SLC5A6: variants seen among roughly 807,000 people sequenced by gnomAD.
The protein encoded by SLC5A6 is solute carrier family 5 member 6.
Under a neutral mutation model 67.9 loss-of-function variants are expected in SLC5A6, and 31 were observed. The observed-to-expected ratio is 0.46, with a 90% CI of 0.34 to 0.62. The LOEUF (loss-of-function observed/expected upper bound fraction) is 0.62. SLC5A6 is among the 20% of genes least tolerant of loss of function. The pLI, the probability that SLC5A6 is intolerant of heterozygous loss-of-function variation, is 0.01. For synonymous variants in SLC5A6, 343 were observed against 331.0 expected (o/e 1.04, Z -0.39); for missense variants, 673 against 812.8 (o/e 0.83, Z 2.09).
At chr2:27,200,916 A>C in intron 16 of SLC5A6, 82 bp downstream of exon 16, 1 of 908,544 alleles carries the variant, frequency 1.1e-6, no homozygotes, top group East Asian at 2.5e-5. Context: ...AGGGGGAGAG[A>C]AAAGGGGTAG....
At chr2:27,200,647 C>CAA in intron 16 of SLC5A6, 68 bp from the exon 17 acceptor site, 7 of 1,505,592 alleles carry the variant, frequency 4.6e-6, no homozygotes, top group Non-Finnish European at 6.3e-6. Context: ...AGGATTCACA[C>CAA]AAAAAAGGTC....
chr2:27,212,357 A>C, upstream of SLC5A6: 1 of 1,550,272 alleles, frequency 6.5e-7, no homozygotes, highest in Non-Finnish European at 8.7e-7. Context: ...CGGAGCACCA[A>C]GGGAACGGAA....
chr2:27,212,140 GC>G lies in SLC5A6; in HGVS notation c.-329del. 4 of 1,521,394 alleles carry G rather than the reference GC, an allele frequency of 2.6e-6. No homozygotes were observed. The highest frequency in any genetic ancestry group is 3.5e-6 in the Non-Finnish European group (4 of 1,137,514). The allele number at this position is 1,521,394 out of a possible 1,614,324, so 94.2% of individuals were successfully genotyped here. A position where few individuals can be genotyped will look rare whatever the true frequency, so the allele number is the denominator to read the frequency against. On this transcript the variant is annotated 5_prime_UTR_variant, in exon 1 of 17. The change creates a premature stop within an existing upstream ORF in the 5' untranslated region. Coordinates refer to ENST00000310574, the MANE Select transcript of SLC5A6 (RefSeq NM_021095.4). ...GGGAAGCCGCGCGGCGACGGGGGAGGCCTTCACTAAAGGGGAAAAGGAAGAG... is the reference window on the plus strand; with the variant it reads ...GGGAAGCCGCGCGGCGACGGGGGAGGCTTCACTAAAGGGGAAAAGGAAGAG...
At chr2:27,205,185 C>T (rs777572963) in intron 7 of SLC5A6, 165 bp downstream of exon 7, 7 of 735,500 alleles carry the variant, frequency 9.5e-6, no homozygotes, top group South Asian at 1.9e-5. Context: ...ACTAGCCGGG[C>T]ACCTGTAATC....
rs186009158 is a variant in SLC5A6 at position 27,203,723 on chromosome 2, T to C, written c.1094+56A>G. On this transcript the variant is annotated intron_variant, in intron 10 of 16. Transcript: ENST00000310574. The stretch of plus-strand genomic sequence containing the variant: ...TATCACCCCGCTCCACCCATCACCT[T>C]GTACCAAATAGGGGTCAGGTGCACC... 17 of 1,321,234 alleles carry C rather than the reference T, an allele frequency of 1.3e-5. No individual in the cohort carries two copies. The East Asian group carries it at 3.9e-4, about 30-fold the overall frequency. 81.8% of individuals were successfully genotyped at this position (1,321,234 alleles called of 1,614,324 possible).
Position 27,201,337 on chromosome 2 carries a change from C to G in SLC5A6, c.1648+13G>C, listed in dbSNP as rs376257096. The G allele has an allele frequency of 6.4e-7, 1 of 1,569,146 alleles. No homozygotes were observed. The highest frequency in any genetic ancestry group is 1.4e-5 in the African/African-American group (1 of 73,978). ...CCTCGGTGCTCATCTGCACCGCAATCCCACACCCTTACCAGTGAGTAGACT... is the reference window on the plus strand; with the variant it reads ...CCTCGGTGCTCATCTGCACCGCAATGCCACACCCTTACCAGTGAGTAGACT... On this transcript the variant is annotated intron_variant, in intron 15 of 16. Coordinates refer to ENST00000310574, the MANE Select transcript of SLC5A6 (RefSeq NM_021095.4).
At position 27,201,867 on chromosome 2, in the gene SLC5A6, G is replaced by C. The variant is rs562991892; in HGVS notation, c.1363-20C>G. The stretch of plus-strand genomic sequence containing the variant: ...AGCACCCTGCCGAGACACAGTGCAG[G>C]CCTGTCACAAGGCCAGTCCTGCCAG... On this transcript the variant is annotated intron_variant, in intron 13 of 16. Transcript: ENST00000310574. The C allele has an allele frequency of 6.2e-7, 1 of 1,613,102 alleles. No homozygotes were observed. The highest frequency in any genetic ancestry group is 1.3e-5 in the African/African-American group (1 of 75,016).
chr2:27,203,900 CAG>C (rs1211379591), intron 9 of SLC5A6, 33 bp from the exon 10 acceptor site: 1 of 1,533,376 alleles, frequency 6.5e-7, no homozygotes, highest in South Asian at 1.1e-5. Flanking sequence ...CAGCAGTCCT[CAG>C]AGAGGGGTCT....
chr2:27,201,300 CCT>C, intron 15 of SLC5A6, 48 bp downstream of exon 15: 8 of 1,262,104 alleles, frequency 6.3e-6, no homozygotes, highest in African/African-American at 5.9e-5. Flanking sequence ...CCCTTAGGGC[CCT>C]CTGTTAACCC....
intron 5 of SLC5A6, 148 bp downstream of exon 5, chr2:27,206,321 CCAAGCCTTCCTCTG>C (rs1558510065): frequency 2.7e-6 from 2 of 727,620 alleles, no homozygotes; most frequent in Non-Finnish European, 4.7e-6. Flanking sequence ...TTGAGGTGGA[CCAAGCCTTCCTCTG>C]GTAGAGACCC....
In SLC5A6 at chr2:27,205,620, G is replaced by A; in HGVS notation, c.580-116C>T. 1.1e-5 allele frequency: 14 copies of A among 1,247,442 alleles called. No homozygotes were observed. The Middle Eastern group carries it at 5.7e-4, about 51-fold the overall frequency. 77.3% of individuals were successfully genotyped at this position (1,247,442 alleles called of 1,614,324 possible). A position where few individuals can be genotyped will look rare whatever the true frequency, so the allele number is the denominator to read the frequency against. ...TGTTTTGTTTTGTTTTAGGCTTTTTGCAGCCTGAAGCCAGTTTTTAGTTTC... is the reference window on the plus strand; with the variant it reads ...TGTTTTGTTTTGTTTTAGGCTTTTTACAGCCTGAAGCCAGTTTTTAGTTTC... On this transcript the variant is annotated intron_variant, in intron 6 of 16. Transcript: ENST00000310574.
At position 27,201,735 on chromosome 2, in the gene SLC5A6, C is replaced by T. The variant is rs1064845; in HGVS notation, c.1475G>A (p.Ser492Asn). 2,088 of 1,614,160 alleles carry T rather than the reference C, an allele frequency of 1.3e-3. 23 individuals are homozygous for T. In the African/African-American group the frequency reaches 0.025, roughly 20 times the overall value. The change falls in exon 14 of 17, where the codon AGC becomes AAC. Residue 492 changes from serine (S) to asparagine (N), a missense_variant. Ser to Asn is a conservative substitution (Grantham distance 46). Coordinates refer to ENST00000310574, the MANE Select transcript of SLC5A6 (RefSeq NM_021095.4). Reference protein sequence around the residue: ...SMPPSPSNGSSFSLPTNLTVA... With the variant: ...SMPPSPSNGSNFSLPTNLTVA... ...GGTTAGATTGGTGGGCAGGGAGAAG[C>T]TGGACCCATTAGAGGGAGAGGGTGG...
At position 27,201,662 on chromosome 2, in the gene SLC5A6, T is replaced by C; in HGVS notation, c.1544+4A>G. On this transcript the variant is annotated splice_donor_region_variant and intron_variant, in intron 14 of 16. Coordinates refer to ENST00000310574, the MANE Select transcript of SLC5A6 (RefSeq NM_021095.4). ...AAACAAGAAGATAGCAAGCCCTGCC[T>C]TACTTGGAGAAGGTAGTCAAGGGCA... 6.2e-7 allele frequency: 1 copy of C among 1,613,038 alleles called. No homozygotes were observed. Among genetic ancestry groups the C allele is most frequent in the Non-Finnish European group, 8.5e-7 (1 of 1,179,130 alleles).
chr2:27,202,002 A>T lies in SLC5A6; in HGVS notation c.1348T>A (p.Cys450Ser). Residue 450 changes from cysteine (C) to serine (S), a missense_variant, in exon 13 of 17, where the codon TGT (cysteine) becomes AGT (serine). Coordinates refer to ENST00000310574, the MANE Select transcript of SLC5A6 (RefSeq NM_021095.4). ...GLFCLGMFFPCANPPGAVVGL... is the reference protein window; with the variant it reads ...GLFCLGMFFPSANPPGAVVGL... Reference sequence around the variant, plus strand: ...GCATCACTCACAGGAGGGTTAGCACATGGAAAGAACATTCCAAGGCAGAAG... The same window carrying T: ...GCATCACTCACAGGAGGGTTAGCACTTGGAAAGAACATTCCAAGGCAGAAG... 1 of 1,613,956 alleles carries T rather than the reference A, an allele frequency of 6.2e-7. No individual in the cohort carries two copies.
chr2:27,212,081 G>GA lies in SLC5A6; in HGVS notation c.-270dup. 7.5e-7 allele frequency: 1 copy of GA among 1,327,156 alleles called. No homozygotes were observed. The highest frequency in any genetic ancestry group is 1.0e-6 in the Non-Finnish European group (1 of 996,462). The allele number at this position is 1,327,156 out of a possible 1,614,324, so 82.2% of individuals were successfully genotyped here. A position where few individuals can be genotyped will look rare whatever the true frequency, so the allele number is the denominator to read the frequency against. On this transcript the variant is annotated 5_prime_UTR_variant, in exon 1 of 17. It removes the in-frame stop codon of an upstream open reading frame in the 5' UTR. Transcript: ENST00000310574. Reference sequence around the variant, plus strand: ...CGCGACCTCGGCGTCCGGACGCGGGGAACACCGGGCTGAGGGAGTCTGCAG... The same window carrying GA: ...CGCGACCTCGGCGTCCGGACGCGGGGAAACACCGGGCTGAGGGAGTCTGCAG...
intron 6 of SLC5A6, among the ~76,000 whole-genome samples, chr2:27,205,820 G>A (rs1674020209): frequency 6.6e-6 from 1 of 152,186 alleles, no homozygotes; most frequent in African/African-American, 2.4e-5. Flanking sequence ...TGTAATTGCT[G>A]TGACCCTGTT....
At position 27,206,079 on chromosome 2, in the gene SLC5A6, G is replaced by A; in HGVS notation, c.526C>T (p.Leu176=). Residue 176 remains leucine (L), a synonymous_variant, in exon 6 of 17, where the codon CTG becomes TTG. Transcript: ENST00000310574. ...CCCAGGGCCAGCACGGACAGCCACA[G>A]ATCAAAGCCAGTCACTGTAAGCATA... is the stretch of plus-strand genomic sequence containing the variant. ...LALNAVTGFD[L]WLSVLALGIV... is the part of the protein sequence containing the mutation. 2 of 1,614,122 alleles carry A rather than the reference G, an allele frequency of 1.2e-6. No homozygotes were observed. The highest frequency in any genetic ancestry group is 1.7e-6 in the Non-Finnish European group (2 of 1,179,998).
Position 27,204,626 on chromosome 2 carries a change from G to A in SLC5A6, c.876-36C>T, listed in dbSNP as rs781129081. ...GGTCAGTGCCAGGAGGAGAGCCGGC[G>A]TTAACAGACACCCTCAGGTGTGTGC... On this transcript the variant is annotated intron_variant, in intron 8 of 16. Transcript: ENST00000310574. 6.2e-6 allele frequency: 10 copies of A among 1,611,286 alleles called. No homozygotes were observed. The East Asian group carries it at 1.3e-4, about 22-fold the overall frequency.
At position 27,212,219 on chromosome 2, in the gene SLC5A6, G is replaced by A. The variant is rs1432933747; in HGVS notation, c.-407C>T. 6.4e-7 allele frequency: 1 copy of A among 1,559,164 alleles called. No individual in the cohort carries two copies. Among genetic ancestry groups the A allele is most frequent in the Middle Eastern group, 1.8e-4 (1 of 5,708 alleles). ...GCTAGGGCGCATGAAGACCAGCGCAGAGCTCCACGAGCAGGAAAAGCCCCC... is the reference window on the plus strand; with the variant it reads ...GCTAGGGCGCATGAAGACCAGCGCAAAGCTCCACGAGCAGGAAAAGCCCCC... On this transcript the variant is annotated 5_prime_UTR_variant, in exon 1 of 17. Coordinates refer to ENST00000310574, the MANE Select transcript of SLC5A6 (RefSeq NM_021095.4).
Sources: allele counts gnomAD v4.1 joint callset (sites outside exome capture counted in the v4.1 genomes callset), GRCh38; gene constraint gnomAD v4.1.1; transcripts MANE v1.5; gene names NCBI Gene and HGNC (gene_info 2026-07-23, HGNC 2026-07-21).